The following GRID2 variants were observed in gnomAD, a reference collection of about 807,000 sequenced individuals.
GRID2 encodes the protein glutamate ionotropic receptor delta type subunit 2, also known as glutamate receptor ionotropic, delta-2.
Under a neutral mutation model 114.8 loss-of-function variants are expected in GRID2, and 33 were observed. The ratio of observed to expected loss-of-function variants is 0.29; its 90% CI spans 0.22 to 0.38. GRID2 has a LOEUF of 0.38. GRID2 is among the 10% of genes least tolerant of loss of function. The pLI is 1.00. For synonymous variants in GRID2, 505 were observed against 449.9 expected, an observed-to-expected ratio of 1.12 and a Z score of -1.55; for missense variants, 1,184 against 1,257.7, an observed-to-expected ratio of 0.94 and a Z score of 0.89.
chr4:93,736,146 A>G (rs1056986717), intron 14 of GRID2, among the ~76,000 whole-genome samples: 22 of 152,148 alleles, frequency 1.4e-4, no homozygotes, highest in African/African-American at 4.6e-4. Flanking sequence ...TCCCTTCCTA[A>G]GAGATTTCTG....
chr4:93,408,708 A>G (rs1283359484), intron 9 of GRID2, among the ~76,000 whole-genome samples: 1 of 152,148 alleles, frequency 6.6e-6, no homozygotes, highest in African/African-American at 2.4e-5. Flanking sequence ...TGTGACACAC[A>G]GAAACTTAAA....
chr4:93,156,909 A>G (rs1018395642), intron 4 of GRID2, among the ~76,000 whole-genome samples: 2 of 151,688 alleles, frequency 1.3e-5, no homozygotes, highest in Non-Finnish European at 3.0e-5. Flanking sequence ...TGTTGAATAA[A>G]AGGAAATCAA....
chr4:92,326,627 G>A (rs1197409618), intron 1 of GRID2, among the ~76,000 whole-genome samples: 1 of 151,866 alleles, frequency 6.6e-6, no homozygotes, highest in African/African-American at 2.4e-5. Context: ...CAAATAATCA[G>A]AGTAACATTT....
At chr4:93,795,642 A>G (rs1734781357) in intron 1 of GRID2, among the ~76,000 whole-genome samples, 1 of 152,114 alleles carries the variant, frequency 6.6e-6, no homozygotes. Context: ...TTTTATTACC[A>G]CTCTTGTAAA....
intron 1 of GRID2, among the ~76,000 whole-genome samples, chr4:93,797,944 G>A (rs1734840401): frequency 6.6e-6 from 1 of 151,258 alleles, no homozygotes; most frequent in South Asian, 2.1e-4. Flanking sequence ...CCTGAGGTCA[G>A]GAGTTCCAGA....
At chr4:93,274,384 T>A (rs1751824415) in intron 8 of GRID2, among the ~76,000 whole-genome samples, 1 of 152,114 alleles carries the variant, frequency 6.6e-6, no homozygotes, top group Non-Finnish European at 1.5e-5. Flanking sequence ...AACTGAAAGC[T>A]ACGAGACTGG....
chr4:93,302,387 A>G (rs1368954418), intron 8 of GRID2, among the ~76,000 whole-genome samples: 1 of 152,222 alleles, frequency 6.6e-6, no homozygotes, highest in Non-Finnish European at 1.5e-5. Context: ...CTGTGGCTGA[A>G]AGCCCCATGG....
chr4:92,963,126 C>G (rs1261409772), intron 2 of GRID2, among the ~76,000 whole-genome samples: 1 of 151,952 alleles, frequency 6.6e-6, no homozygotes, highest in African/African-American at 2.4e-5. Flanking sequence ...GGGCCTTCAG[C>G]GTGTCATAAT....
intron 14 of GRID2, among the ~76,000 whole-genome samples, chr4:93,716,682 A>T (rs182785888): frequency 2.6e-5 from 4 of 151,944 alleles, no homozygotes; most frequent in Non-Finnish European, 5.9e-5. Flanking sequence ...TATACATATG[A>T]TATACCTTTT....
chr4:93,082,953 T>C (rs376333513), intron 2 of GRID2, among the ~76,000 whole-genome samples: 99 of 152,276 alleles, frequency 6.5e-4, no homozygotes, highest in African/African-American at 2.4e-3. Flanking sequence ...ATCTGAAGAC[T>C]AAAACAGACA....
rs190585223 is a variant in GRID2, at chr4:92,776,453, C to T, written c.244+186167C>T. Reference sequence around the variant, plus strand: ...CATGACATCCACACATACAGCTACCCACACAGAAGGGTCGGTGTGAGTGTG... The same window carrying T: ...CATGACATCCACACATACAGCTACCTACACAGAAGGGTCGGTGTGAGTGTG... On this transcript the variant is annotated intron_variant, in intron 2 of 15. Coordinates refer to ENST00000282020, the MANE Select transcript of GRID2 (RefSeq NM_001510.4). Among the ~76,000 whole-genome samples the T allele has an allele frequency of 1.7e-3, 253 of 152,086 alleles. 1 individual carries two copies. Among genetic ancestry groups the T allele is most frequent in the Non-Finnish European group, 2.5e-3 (170 of 67,982 alleles).
chr4:92,583,929 A>G lies in GRID2; in HGVS notation c.89-6202A>G, dbSNP rs137877858. Among the ~76,000 whole-genome samples the G allele has an allele frequency of 5.0e-3, 754 of 150,144 alleles. 7 individuals are homozygous for G. Among genetic ancestry groups the G allele is most frequent in the African/African-American group, 0.018 (729 of 41,070 alleles). On this transcript the variant is annotated intron_variant, in intron 1 of 15. Coordinates refer to ENST00000282020, the MANE Select transcript of GRID2 (RefSeq NM_001510.4). ...TATTTATATACACATATATGTATATATATATATGTACAAACATTGCCTTCA... is the reference window on the plus strand; with the variant it reads ...TATTTATATACACATATATGTATATGTATATATGTACAAACATTGCCTTCA...
rs73839558 is a variant in GRID2, at chr4:93,501,730, A to G, written c.1997+10953A>G. Among the ~76,000 whole-genome samples the G allele has an allele frequency of 5.3e-3, 805 of 152,202 alleles. 7 individuals are homozygous for G. The highest frequency in any genetic ancestry group is 0.017 in the African/African-American group (717 of 41,564). On this transcript the variant is annotated intron_variant, in intron 12 of 15. Transcript: ENST00000282020. Reference sequence around the variant, plus strand: ...GGAACAGGGCTATGTTAGCATTTCCATAGACTCTGTTTACACTGAGCTCAC... The same window carrying G: ...GGAACAGGGCTATGTTAGCATTTCCGTAGACTCTGTTTACACTGAGCTCAC...
At chr4:92,630,322 G>A (rs1730741612) in intron 2 of GRID2, among the ~76,000 whole-genome samples, 1 of 152,072 alleles carries the variant, frequency 6.6e-6, no homozygotes, top group African/African-American at 2.4e-5. Flanking sequence ...CACATATAAT[G>A]AGTTAGAGTA....
intron 5 of GRID2, among the ~76,000 whole-genome samples, chr4:93,211,500 T>G (rs1013328304): frequency 1.2e-4 from 18 of 152,146 alleles, no homozygotes; most frequent in Non-Finnish European, 2.1e-4. Flanking sequence ...AACAAAGCAA[T>G]CTCACTGGTA....
intron 13 of GRID2, among the ~76,000 whole-genome samples, chr4:93,533,283 T>A (rs1245116681): frequency 7.1e-6 from 1 of 141,328 alleles, no homozygotes; most frequent in Non-Finnish European, 1.5e-5. Context: ...CCTTCCTTCC[T>A]TCCTTCCTTC....
intron 9 of GRID2, among the ~76,000 whole-genome samples, chr4:93,409,038 A>G (rs1766832793): frequency 6.6e-6 from 1 of 152,134 alleles, no homozygotes; most frequent in Admixed American, 6.5e-5. Context: ...TAGCAAAATA[A>G]TTATGTACCT....
intron 2 of GRID2, among the ~76,000 whole-genome samples, chr4:92,915,726 C>G (rs1031381681): frequency 6.6e-6 from 1 of 152,088 alleles, no homozygotes; most frequent in East Asian, 1.9e-4. Context: ...TGGCCAGCAT[C>G]TGTTATTTCT....
At chr4:92,960,383 AG>A (rs1479640805) in intron 2 of GRID2, among the ~76,000 whole-genome samples, 1 of 151,926 alleles carries the variant, frequency 6.6e-6, no homozygotes, top group African/African-American at 2.4e-5. Context: ...ATATAATAGC[AG>A]GTTTATCTAT....
Sources: allele counts gnomAD v4.1 joint callset (sites outside exome capture counted in the v4.1 genomes callset), GRCh38; gene constraint gnomAD v4.1.1; transcripts MANE v1.5; gene names NCBI Gene and HGNC (gene_info 2026-07-23, HGNC 2026-07-21).